Variants in LRRC1 observed in about 807,000 individuals in gnomAD.
LRRC1 encodes leucine-rich repeat-containing protein 1.
A neutral mutation model predicts 69.9 loss-of-function variants in LRRC1; 28 were observed. The observed-to-expected ratio is 0.40, with a 90% confidence interval of 0.30 to 0.55. The LOEUF (loss-of-function observed/expected upper bound fraction) is 0.55, where lower values mean the gene tolerates loss of function less well. LRRC1 is among the 20% of genes least tolerant of loss of function. LRRC1 has a pLI of 0.47. For synonymous variants in LRRC1, 236 were observed against 240.2 expected (o/e 0.98, Z 0.16); for missense variants, 498 against 609.0 (o/e 0.82, Z 1.92).
chr6:53,795,366 G>T lies in LRRC1; in HGVS notation c.110G>T (p.Ser37Ile). The stretch of plus-strand genomic sequence containing the variant: ...GAGGAGATCTACCGCTATGCCCGGA[G>T]CCTGGAGGAGCTGCTGCTGGACGCC... ...VPEEIYRYARSLEELLLDANQ... is the reference protein window; with the variant it reads ...VPEEIYRYARILEELLLDANQ... The change falls in exon 1 of 14, where the codon AGC (serine) becomes ATC (isoleucine). Residue 37 changes from serine (S) to isoleucine (I), a missense_variant. Ser to Ile is a moderately radical substitution (Grantham distance 142). Around this residue, in one of 3 missense-constraint regions of LRRC1, gnomAD observed 70 missense variants for 62.1 expected, o/e 1.13. Coordinates refer to ENST00000370888, the MANE Select transcript of LRRC1 (RefSeq NM_018214.5). The T allele has an allele frequency of 6.2e-7, 1 of 1,613,764 alleles. No individual in the cohort carries two copies. The highest frequency in any genetic ancestry group is 2.2e-5 in the East Asian group (1 of 44,864).
rs1768679037 is a variant in LRRC1 at position 53,919,643 on chromosome 6, C to G, written c.1252C>G (p.Gln418Glu). Residue 418 changes from glutamine to glutamate, a missense_variant, in exon 12 of 14, where the codon CAG becomes GAG. By Grantham distance (29) the Gln-to-Glu change is conservative. Transcript: ENST00000370888. ...EKILTCVLLP[Q>E]LPSEPTCQEN... ...GATTTTAACCTGTGTCTTACTTCCT[C>G]AGCTGCCTTCTGAACCTACTTGTCA... The G allele has an allele frequency of 6.2e-7, 1 of 1,612,376 alleles. No individual in the cohort carries two copies. The highest frequency in any genetic ancestry group is 2.2e-5 in the East Asian group (1 of 44,882).
intron 1 of LRRC1, among the ~76,000 whole-genome samples, chr6:53,810,538 T>A (rs1174100222): frequency 6.6e-6 from 1 of 151,712 alleles, no homozygotes. Context: ...GAGAATGGCT[T>A]AAACCCAGGA....
intron 2 of LRRC1, among the ~76,000 whole-genome samples, chr6:53,845,521 A>C (rs1581869244): frequency 6.6e-6 from 1 of 152,134 alleles, no homozygotes; most frequent in African/African-American, 2.4e-5. Flanking sequence ...CTGTTGCCCC[A>C]GATGGCGGTG....
chr6:53,799,878 A>G (rs745361218), intron 1 of LRRC1, among the ~76,000 whole-genome samples: 2 of 152,172 alleles, frequency 1.3e-5, no homozygotes, highest in Admixed American at 6.5e-5. Context: ...TTTTGTTGCC[A>G]AGTCCTGCCA....
intron 4 of LRRC1, among the ~76,000 whole-genome samples, chr6:53,887,485 G>C (rs1329253766): frequency 6.6e-6 from 1 of 150,522 alleles, no homozygotes; most frequent in Non-Finnish European, 1.5e-5. Context: ...CGGTGGGGTA[G>C]GGACTCTTTG....
intron 2 of LRRC1, among the ~76,000 whole-genome samples, chr6:53,864,469 C>A (rs1766630872): frequency 6.6e-6 from 1 of 152,124 alleles, no homozygotes; most frequent in Admixed American, 6.5e-5. Flanking sequence ...TGACTTCAGA[C>A]CCTCAACCGC....
chr6:53,920,883 G>A (rs1768719420), intron 13 of LRRC1, 122 bp downstream of exon 13: 2 of 1,160,800 alleles, frequency 1.7e-6, no homozygotes, highest in Non-Finnish European at 2.4e-6. Flanking sequence ...CAGCATTTAG[G>A]AATTTTTTTA....
chr6:53,884,189 C>T (rs183102307), intron 4 of LRRC1: 140 of 579,684 alleles, frequency 2.4e-4, no homozygotes, highest in African/African-American at 2.2e-3. Context: ...TTTGCTGTAT[C>T]AAGTGTCAGA....
intron 11 of LRRC1, among the ~76,000 whole-genome samples, chr6:53,914,753 TC>T (rs1768514556): frequency 6.6e-6 from 1 of 152,202 alleles, no homozygotes; most frequent in African/African-American, 2.4e-5. Flanking sequence ...TTGGCTCTCT[TC>T]TTCATCACTC....
At chr6:53,834,764 G>A (rs1160550115) in intron 1 of LRRC1, among the ~76,000 whole-genome samples, 1 of 152,144 alleles carries the variant, frequency 6.6e-6, no homozygotes, top group Non-Finnish European at 1.5e-5. Flanking sequence ...ACGAGGTCAG[G>A]AGATCGAGGC....
chr6:53,893,392 G>A (rs4236115), intron 4 of LRRC1, among the ~76,000 whole-genome samples: 128,008 of 152,080 alleles, frequency 0.84, 54,001 homozygotes, highest in East Asian at 0.96. Flanking sequence ...GGCTTTCATC[G>A]GTGGCTCTAT....
chr6:53,908,958 TATC>T (rs1029208905), intron 10 of LRRC1, among the ~76,000 whole-genome samples: 25 of 152,178 alleles, frequency 1.6e-4, no homozygotes, highest in African/African-American at 5.5e-4. Flanking sequence ...AAATATATAT[TATC>T]ATGTAAATAT....
At chr6:53,809,887 A>G (rs1214003139) in intron 1 of LRRC1, among the ~76,000 whole-genome samples, 1 of 152,248 alleles carries the variant, frequency 6.6e-6, no homozygotes. Context: ...AGGTAGGGGC[A>G]GTGCTGGGCG....
chr6:53,871,113 A>G (rs891239386), intron 2 of LRRC1, among the ~76,000 whole-genome samples: 1 of 152,190 alleles, frequency 6.6e-6, no homozygotes, highest in Non-Finnish European at 1.5e-5. Context: ...GTGCAGATAT[A>G]TCTTTGATAT....
chr6:53,920,525 G>T, intron 12 of LRRC1, 100 bp from the exon 13 acceptor site: 4 of 1,327,880 alleles, frequency 3.0e-6, no homozygotes, highest in Non-Finnish European at 3.2e-6. Context: ...TTCTACCCCT[G>T]GTCCTCCGTA....
intron 1 of LRRC1, among the ~76,000 whole-genome samples, chr6:53,813,555 T>TG (rs1764862749): frequency 6.7e-6 from 1 of 150,284 alleles, no homozygotes; most frequent in African/African-American, 2.5e-5. Flanking sequence ...TTTTTCTTTT[T>TG]TTTTCTGGAA....
At chr6:53,812,649 C>A (rs1485493900) in intron 1 of LRRC1, among the ~76,000 whole-genome samples, 1 of 143,490 alleles carries the variant, frequency 7.0e-6, no homozygotes, top group Non-Finnish European at 1.5e-5. Context: ...GAGATCGCGC[C>A]ACTGCACTCC....
intron 4 of LRRC1, among the ~76,000 whole-genome samples, chr6:53,884,708 T>G (rs1767417089): frequency 6.6e-6 from 1 of 152,138 alleles, no homozygotes. Context: ...TTTTTCCCAT[T>G]TTGTGTCTTT....
At position 53,819,122 on chromosome 6, in the gene LRRC1, G is replaced by C. The variant is rs192869946; in HGVS notation, c.160-22988G>C. ...GGAAACTATAAATGCCAAGAGCTGT[G>C]GAAGAGAGAGAGGCAATTAAGGGTC... is the stretch of plus-strand genomic sequence containing the variant. On this transcript the variant is annotated intron_variant, in intron 1 of 13. Transcript: ENST00000370888. Among the ~76,000 whole-genome samples, 867 of 152,256 alleles carry C rather than the reference G, an allele frequency of 5.7e-3. 6 individuals are homozygous for C. The highest frequency in any genetic ancestry group is 0.02 in the African/African-American group (822 of 41,526).
Sources: allele counts gnomAD v4.1 joint callset (sites outside exome capture counted in the v4.1 genomes callset), GRCh38; gene constraint gnomAD v4.1.1; regional missense constraint gnomAD v4.1.1; transcripts MANE v1.5; gene names NCBI Gene and HGNC (gene_info 2026-07-23, HGNC 2026-07-21).